The following PLPP1 variants were observed in gnomAD, a reference collection of about 807,000 sequenced individuals.
PLPP1 encodes lipid phosphate phosphohydrolase 1a.
PLPP1 carries 24 observed loss-of-function variants against 31.2 expected under a neutral mutation model. The observed-to-expected ratio is 0.77, with a 90% confidence interval of 0.56 to 1.08. PLPP1 has a LOEUF of 1.08. Among genes scored for constraint, PLPP1 ranks in the 50% least tolerant of loss-of-function variants. The probability of loss-of-function intolerance (pLI) is 0.00; values close to 1 mark genes in which losing one functional copy is unlikely to be tolerated. For synonymous variants in PLPP1, 146 were observed against 126.3 expected, an observed-to-expected ratio of 1.16 and a Z score of -1.05; for missense variants, 319 against 342.7, an observed-to-expected ratio of 0.93 and a Z score of 0.55.
chr5:55,476,440 G>A (rs184553770), intron 1 of PLPP1, among the ~76,000 whole-genome samples: 1 of 152,090 alleles, frequency 6.6e-6, no homozygotes, highest in East Asian at 1.9e-4. Flanking sequence ...CTCCTAAAAC[G>A]CCAAATTTTT....
chr5:55,459,565 CTAATTTGAAAGAATTCTAATCATA>C (rs557872117), intron 3 of PLPP1, among the ~76,000 whole-genome samples: 27 of 152,214 alleles, frequency 1.8e-4, no homozygotes, highest in African/African-American at 6.5e-4. Flanking sequence ...TGGGAATCAA[CTAATTTGAAAGAATTCTAATCATA>C]TAAAGTATGT....
chr5:55,516,789 G>A (rs1448373931), intron 1 of PLPP1, among the ~76,000 whole-genome samples: 2 of 152,126 alleles, frequency 1.3e-5, no homozygotes, highest in African/African-American at 2.4e-5. Context: ...AATTTGTTTC[G>A]TGTCTTAATA....
intron 4 of PLPP1, among the ~76,000 whole-genome samples, chr5:55,433,221 G>A (rs10071054): frequency 0.86 from 128,237 of 149,232 alleles, 55,508 homozygotes; most frequent in South Asian, 0.92. Flanking sequence ...TATTTGGGAA[G>A]CTGAGGTGGG....
chr5:55,489,391 T>C (rs1290727632), intron 1 of PLPP1, among the ~76,000 whole-genome samples: 1 of 152,174 alleles, frequency 6.6e-6, no homozygotes, highest in Non-Finnish European at 1.5e-5. Flanking sequence ...GTGGCAGTAC[T>C]TCCCTGCACA....
intron 2 of PLPP1, 33 bp downstream of exon 2, chr5:55,475,266 A>G (rs903644082): frequency 4.5e-6 from 7 of 1,570,360 alleles, no homozygotes; most frequent in Non-Finnish European, 6.1e-6. Flanking sequence ...AGTGCCCAAA[A>G]GTTATAAACT....
chr5:55,458,219 C>A (rs997819594), intron 3 of PLPP1, among the ~76,000 whole-genome samples: 1 of 152,014 alleles, frequency 6.6e-6, no homozygotes, highest in Non-Finnish European at 1.5e-5. Context: ...GCCTATGTTA[C>A]AAGAATGCCA....
intron 1 of PLPP1, among the ~76,000 whole-genome samples, chr5:55,499,609 A>C (rs550652174): frequency 2.6e-5 from 4 of 152,190 alleles, no homozygotes; most frequent in Non-Finnish European, 5.9e-5. Flanking sequence ...TAAAAGATTC[A>C]TAACATTGTT....
chr5:55,531,550 C>T (rs1401470030), intron 1 of PLPP1, among the ~76,000 whole-genome samples: 1 of 152,214 alleles, frequency 6.6e-6, no homozygotes, highest in African/African-American at 2.4e-5. Flanking sequence ...CAAAACCCTG[C>T]ACTTATGAAG....
chr5:55,529,992 G>A (rs1222949014), intron 1 of PLPP1, among the ~76,000 whole-genome samples: 2 of 152,128 alleles, frequency 1.3e-5, no homozygotes, highest in African/African-American at 4.8e-5. Context: ...CTTACCAAGA[G>A]GATGAAGTTT....
chr5:55,502,312 C>T (rs1393695725), intron 1 of PLPP1, among the ~76,000 whole-genome samples: 1 of 152,228 alleles, frequency 6.6e-6, no homozygotes, highest in East Asian at 1.9e-4. Flanking sequence ...CATGGTGAAA[C>T]CCCGTCTCTA....
At chr5:55,515,849 T>C (rs1310026441) in intron 1 of PLPP1, among the ~76,000 whole-genome samples, 2 of 152,198 alleles carry the variant, frequency 1.3e-5, no homozygotes, top group Non-Finnish European at 2.9e-5. Context: ...TCAATTCTCA[T>C]GGCTTCAATT....
chr5:55,426,913 G>A (rs1424191636), intron 4 of PLPP1, among the ~76,000 whole-genome samples: 1 of 152,124 alleles, frequency 6.6e-6, no homozygotes, highest in African/African-American at 2.4e-5. Flanking sequence ...ATCCAGCCAA[G>A]AAGTGTATTC....
chr5:55,476,260 T>C (rs1752549738), intron 1 of PLPP1, among the ~76,000 whole-genome samples: 1 of 151,952 alleles, frequency 6.6e-6, no homozygotes, highest in African/African-American at 2.4e-5. Flanking sequence ...CAACTGATCC[T>C]ATAGCCTCAG....
intron 1 of PLPP1, among the ~76,000 whole-genome samples, chr5:55,519,821 T>A (rs1753627268): frequency 6.6e-6 from 1 of 151,950 alleles, no homozygotes; most frequent in African/African-American, 2.4e-5. Flanking sequence ...ATTTAACAAG[T>A]TACCTTTCTG....
chr5:55,435,207 GC>G (rs1306938901), intron 4 of PLPP1, among the ~76,000 whole-genome samples: 1 of 152,128 alleles, frequency 6.6e-6, no homozygotes, highest in African/African-American at 2.4e-5. Context: ...AGTTAGAATG[GC>G]CATTATTAAA....
At chr5:55,456,673 C>G (rs1752020934) in intron 3 of PLPP1, among the ~76,000 whole-genome samples, 1 of 152,162 alleles carries the variant, frequency 6.6e-6, no homozygotes, top group African/African-American at 2.4e-5. Flanking sequence ...CACAATAGAA[C>G]AGCAATGCAT....
chr5:55,507,613 A>G (rs1753309365), intron 1 of PLPP1, among the ~76,000 whole-genome samples: 1 of 152,182 alleles, frequency 6.6e-6, no homozygotes, highest in South Asian at 2.1e-4. Context: ...TCCTTCAATA[A>G]GTTTAAAAGG....
At chr5:55,472,599 G>GA (rs537670454) in intron 2 of PLPP1, among the ~76,000 whole-genome samples, 36 of 150,268 alleles carry the variant, frequency 2.4e-4, no homozygotes, top group African/African-American at 8.8e-4. Flanking sequence ...GACTGTGAAA[G>GA]AAGAAAGAAA....
intron 1 of PLPP1, among the ~76,000 whole-genome samples, chr5:55,534,128 C>T (rs964829263): frequency 6.6e-6 from 1 of 152,170 alleles, no homozygotes. Context: ...CCTTTTATAG[C>T]CGAAATATTA....
Sources: allele counts gnomAD v4.1 joint callset (sites outside exome capture counted in the v4.1 genomes callset), GRCh38; gene constraint gnomAD v4.1.1; transcripts MANE v1.5; gene names NCBI Gene and HGNC (gene_info 2026-07-23, HGNC 2026-07-21).